The following RAPH1 variants were observed in gnomAD, a reference collection of about 807,000 sequenced individuals.
RAPH1 encodes the protein Ras association (RalGDS/AF-6) and pleckstrin homology domains 1.
In RAPH1, 18 loss-of-function variants were observed where a neutral mutation model predicts 88.1. That is an observed-to-expected ratio of 0.20 (90% CI 0.14 to 0.30). The LOEUF (loss-of-function observed/expected upper bound fraction) is 0.30, where lower values mean the gene tolerates loss of function less well. RAPH1 is among the 10% of genes least tolerant of loss of function. RAPH1 has a pLI of 1.00. For missense variants in RAPH1, 1,448 were observed against 1,543.2 expected (o/e 0.94, Z 1.03); for synonymous variants, 587 against 559.0 (o/e 1.05, Z -0.71).
At chr2:203,444,661 T>A (rs945346050) in intron 13 of RAPH1, 2 of 436,492 alleles carry the variant, frequency 4.6e-6, no homozygotes, top group African/African-American at 4.1e-5. Context: ...TTAGAGCCAA[T>A]TTGTAAAATA....
chr2:203,464,574 C>G (rs1400859176), intron 4 of RAPH1, among the ~76,000 whole-genome samples: 2 of 152,040 alleles, frequency 1.3e-5, no homozygotes, highest in Non-Finnish European at 1.5e-5. Flanking sequence ...CCCAGCCAAA[C>G]ATGAACTTCT....
In RAPH1 at chr2:203,472,581, A is replaced by T. The variant is rs188992203; in HGVS notation, c.733-10656T>A. On this transcript the variant is annotated intron_variant, in intron 4 of 13. Transcript: ENST00000319170. The stretch of plus-strand genomic sequence containing the variant: ...ACACAATTACTATGTAAAACATGTA[A>T]CATGTATTTCAAGAAATTACTTTCT... 4.0e-3 allele frequency among the ~76,000 whole-genome samples: 616 copies of T among 152,360 alleles called. 4 individuals are homozygous for T. The highest frequency in any genetic ancestry group is 6.6e-3 in the Non-Finnish European group (451 of 68,030).
At chr2:203,442,230 CA>C in intron 13 of RAPH1, 1 of 710,378 alleles carries the variant, frequency 1.4e-6, no homozygotes, top group East Asian at 3.1e-5. Context: ...CATTTGCCAA[CA>C]ACCAACCCAT....
At chr2:203,491,065 AAAG>A in intron 3 of RAPH1, 146 bp downstream of exon 3, 1 of 518,120 alleles carries the variant, frequency 1.9e-6, no homozygotes, top group South Asian at 3.5e-5. Context: ...AAAAAAGAAA[AAAG>A]AAAAGAAAAA....
chr2:203,455,727 T>C, intron 8 of RAPH1, 147 bp from the exon 9 acceptor site: 1 of 725,986 alleles, frequency 1.4e-6, no homozygotes, highest in Non-Finnish European at 2.2e-6. Flanking sequence ...CAATTAGAAC[T>C]TTCCAGCCAG....
At chr2:203,474,008 G>C (rs561198974) in intron 4 of RAPH1, among the ~76,000 whole-genome samples, 56 of 152,248 alleles carry the variant, frequency 3.7e-4, no homozygotes, top group Admixed American at 3.7e-3. Context: ...AGACCAACTT[G>C]CAACTACAAA....
rs1288814144 is a variant in RAPH1, at chr2:203,489,927, T to C, written c.389A>G (p.His130Arg). 2.5e-6 allele frequency: 4 copies of C among 1,614,108 alleles called. No homozygotes were observed. The highest frequency in any genetic ancestry group is 2.5e-6 in the Non-Finnish European group (3 of 1,180,056). The change falls in exon 4 of 14, where the codon CAT becomes CGT. Residue 130 changes from histidine to arginine, a missense_variant. This residue lies in a region of RAPH1 where 513 missense variants were observed against 653.1 expected (regional missense o/e 0.79). Transcript: ENST00000319170. ...AGAAGATAATCCTTTCAAGGTGCCA[T>C]GTTTCAATGTATGTCGGCTAACAGG... ...KLPVSRHTLK[H>R]GTLKGLSSSS...
chr2:203,463,292 T>C (rs2098525682), intron 4 of RAPH1, among the ~76,000 whole-genome samples: 1 of 152,078 alleles, frequency 6.6e-6, no homozygotes, highest in Non-Finnish European at 1.5e-5. Flanking sequence ...TCAGCCAAAC[T>C]TTATCCTCTC....
intron 1 of RAPH1, among the ~76,000 whole-genome samples, chr2:203,522,971 C>G (rs943369083): frequency 2.0e-5 from 3 of 150,210 alleles, no homozygotes; most frequent in African/African-American, 7.3e-5. Context: ...TACCTGATTT[C>G]AAGACTCACT....
At chr2:203,453,545 C>CAAAAAAA (rs59304139) in intron 10 of RAPH1, among the ~76,000 whole-genome samples, 22 of 28,272 alleles carry the variant, frequency 7.8e-4, no homozygotes, top group African/African-American at 2.2e-3. Flanking sequence ...GACCCTGCCT[C>CAAAAAAA]AAAAAAAAAA....
chr2:203,510,783 T>G (rs957184827), intron 1 of RAPH1, among the ~76,000 whole-genome samples: 7 of 152,086 alleles, frequency 4.6e-5, no homozygotes, highest in African/African-American at 1.7e-4. Flanking sequence ...GTAATAAAAC[T>G]CACTGAGTGT....
At chr2:203,518,976 G>A (rs1349936576) in intron 1 of RAPH1, among the ~76,000 whole-genome samples, 1 of 152,166 alleles carries the variant, frequency 6.6e-6, no homozygotes, top group East Asian at 1.9e-4. Flanking sequence ...ATCTGAATAG[G>A]CCTGTACCTA....
chr2:203,488,588 TAAAAAAAAAA>T (rs750783858), intron 4 of RAPH1, among the ~76,000 whole-genome samples: 154 of 36,664 alleles, frequency 4.2e-3, no homozygotes, highest in African/African-American at 0.016. Flanking sequence ...CTCCGTCTAT[TAAAAAAAAAA>T]AAAAAAAAAA....
chr2:203,458,344 G>A (rs2098521525), intron 7 of RAPH1, among the ~76,000 whole-genome samples: 1 of 152,038 alleles, frequency 6.6e-6, no homozygotes, highest in Non-Finnish European at 1.5e-5. Context: ...CTGGGCAACA[G>A]AGCGAGACTC....
intron 4 of RAPH1, among the ~76,000 whole-genome samples, chr2:203,481,645 A>G (rs1372995445): frequency 1.3e-5 from 2 of 149,092 alleles, no homozygotes; most frequent in Non-Finnish European, 3.0e-5. Flanking sequence ...AGGATGGAGT[A>G]CAGTGGCATG....
At position 203,439,541 on chromosome 2, in the gene RAPH1, C is replaced by G; in HGVS notation, c.3649G>C (p.Gly1217Arg). The change falls in exon 14 of 14, where the codon GGT becomes CGT. Residue 1217 changes from glycine (G) to arginine (R), a missense_variant. Gly to Arg is a moderately radical substitution (Grantham distance 125, BLOSUM62 -2). Coordinates refer to ENST00000319170, the MANE Select transcript of RAPH1 (RefSeq NM_213589.3). The stretch of plus-strand genomic sequence containing the variant: ...CCTGATATATGACTGCCTCCGTAAC[C>G]AGCCTTCTGTTGATCAGACAGCAGT... ...PELLSDQQKA[G>R]YGGSHISGYA... The G allele has an allele frequency of 1.2e-6, 2 of 1,614,138 alleles. No individual in the cohort carries two copies. The highest frequency in any genetic ancestry group is 1.7e-6 in the Non-Finnish European group (2 of 1,180,020).
At chr2:203,475,652 T>C (rs987111373) in intron 4 of RAPH1, among the ~76,000 whole-genome samples, 2 of 151,830 alleles carry the variant, frequency 1.3e-5, no homozygotes, top group African/African-American at 4.8e-5. Context: ...CTTTTTCTCA[T>C]AGTATATACA....
In RAPH1 at chr2:203,440,721, G is replaced by T; in HGVS notation, c.2469C>A (p.Tyr823Ter). 1 of 1,607,658 alleles carries T rather than the reference G, an allele frequency of 6.2e-7. No homozygotes were observed. The highest frequency in any genetic ancestry group is 8.5e-7 in the Non-Finnish European group (1 of 1,176,582). The change falls in exon 14 of 14, where the codon TAC becomes TAA. Residue 823 changes from tyrosine to a stop codon, truncating the protein, a stop_gained. Transcript: ENST00000319170. LOFTEE classifies it low-confidence loss of function (END_TRUNC). Reference sequence around the variant, plus strand: ...GAGGGGTAGGGGGAGAGGGTGGAATGTAAGAAGCAGGGAAAGCTGGCTGCT... The same window carrying T: ...GAGGGGTAGGGGGAGAGGGTGGAATTTAAGAAGCAGGGAAAGCTGGCTGCT... ...AKKQPAFPAS[Y>*]IPPSPPTPPV...
chr2:203,516,406 T>G (rs1689607547), intron 1 of RAPH1, among the ~76,000 whole-genome samples: 1 of 152,230 alleles, frequency 6.6e-6, no homozygotes, highest in Admixed American at 6.5e-5. Flanking sequence ...TTAATCCAAT[T>G]ATATTAATAA....
Sources: gnomAD v4.1 joint callset for allele counts (sites outside exome capture counted in the v4.1 genomes callset) on GRCh38, gnomAD v4.1.1 for gene constraint, gnomAD v4.1.1 regional missense constraint, MANE v1.5 for transcripts, NCBI Gene and HGNC (gene_info 2026-07-23, HGNC 2026-07-21) for gene names.